The following CNIH3 variants were observed in gnomAD, a reference collection of about 807,000 sequenced individuals.
CNIH3 encodes the protein cornichon family AMPA receptor auxiliary protein 3, also known as protein cornichon homolog 3.
CNIH3 carries 14 observed loss-of-function variants against 24.1 expected under a neutral mutation model. The observed-to-expected ratio is 0.58, with a 90% confidence interval of 0.38 to 0.91. The LOEUF (loss-of-function observed/expected upper bound fraction) is 0.91. Among genes scored for constraint, CNIH3 ranks in the 40% least tolerant of loss-of-function variants. CNIH3 has a pLI of 0.00. For missense variants in CNIH3, 178 were observed against 196.8 expected (o/e 0.90, Z 0.57); for synonymous variants, 68 against 73.8 (o/e 0.92, Z 0.40).
intron 1 of CNIH3, among the ~76,000 whole-genome samples, chr1:224,449,051 G>A (rs1274014411): frequency 2.8e-5 from 4 of 144,480 alleles, no homozygotes; most frequent in Non-Finnish European, 4.5e-5. Context: ...TGCAACCTCC[G>A]CCTCTCAGGT....
At chr1:224,513,715 A>C (rs1407943837), upstream of CNIH3, 1 of 152,208 alleles carries the variant, frequency 6.6e-6, no homozygotes, top group Non-Finnish European at 1.5e-5. Flanking sequence ...GAAGGAGGAG[A>C]CACAGAGCTA....
At chr1:224,656,838 T>C (rs1685121297) in intron 1 of CNIH3, among the ~76,000 whole-genome samples, 2 of 152,176 alleles carry the variant, frequency 1.3e-5, no homozygotes, top group South Asian at 4.1e-4. Context: ...TTCTTAATTA[T>C]TTTGTATGTG....
intron 3 of CNIH3, among the ~76,000 whole-genome samples, chr1:224,723,917 T>C (rs1056963446): frequency 2.0e-5 from 3 of 152,212 alleles, no homozygotes; most frequent in Admixed American, 2.0e-4. Flanking sequence ...TTATGGTGAC[T>C]TTTTAAATTA....
At chr1:224,495,962 G>A (rs948462060) in intron 1 of CNIH3, among the ~76,000 whole-genome samples, 3 of 152,172 alleles carry the variant, frequency 2.0e-5, no homozygotes, top group Admixed American at 6.5e-5. Context: ...TGAGCTATCC[G>A]TGGGCAGAGA....
intron 1 of CNIH3, among the ~76,000 whole-genome samples, chr1:224,517,460 T>C (rs1184273748): frequency 1.3e-5 from 2 of 152,162 alleles, no homozygotes; most frequent in African/African-American, 4.8e-5. Flanking sequence ...GGGAAAGATA[T>C]TCCTTTTTTT....
Position 224,616,711 on chromosome 1 carries a change from C to A in CNIH3, c.-464C>A. On this transcript the variant is annotated 5_prime_UTR_variant, in exon 1 of 6. Coordinates refer to ENST00000272133, the MANE Select transcript of CNIH3 (RefSeq NM_152495.2). ...ACACTATCCGTTTGCGCCCCGGTGG[C>A]GCGGGAGGGTCCGGAGCGGAGCGCT... 1.0e-6 allele frequency: 1 copy of A among 993,124 alleles called. No homozygotes were observed. The allele number at this position is 993,124 out of a possible 1,614,324, so 61.5% of individuals were successfully genotyped here. A position where few individuals can be genotyped will look rare whatever the true frequency, so the allele number is the denominator to read the frequency against.
chr1:224,495,309 C>G (rs1677393444), intron 1 of CNIH3, among the ~76,000 whole-genome samples: 1 of 152,170 alleles, frequency 6.6e-6, no homozygotes, highest in Admixed American at 6.5e-5. Flanking sequence ...CCAGGACATG[C>G]CTTGTATATA....
At chr1:224,593,346 A>G (rs1681843946), downstream of CNIH3, among the ~76,000 whole-genome samples, 3 of 150,364 alleles carry the variant, frequency 2.0e-5, no homozygotes, top group South Asian at 6.2e-4. Context: ...CTTAGGCAAA[A>G]ACATGGCTTG....
chr1:224,599,286 G>A (rs1018119005), intron 3 of CNIH3, among the ~76,000 whole-genome samples: 1 of 152,144 alleles, frequency 6.6e-6, no homozygotes, highest in African/African-American at 2.4e-5. Flanking sequence ...AGCCAAGATG[G>A]CCTTCCTCAA....
At chr1:224,582,528 A>T (rs1459433104) in intron 4 of CNIH3, among the ~76,000 whole-genome samples, 3 of 152,182 alleles carry the variant, frequency 2.0e-5, no homozygotes, top group Non-Finnish European at 4.4e-5. Flanking sequence ...ATACACCTGG[A>T]TCAATCACCG....
intron 1 of CNIH3, among the ~76,000 whole-genome samples, chr1:224,631,124 C>G (rs907380098): frequency 1.3e-5 from 2 of 152,100 alleles, no homozygotes; most frequent in Non-Finnish European, 2.9e-5. Context: ...GATTGTGTCA[C>G]TGCACTCTAT....
intron 1 of CNIH3, among the ~76,000 whole-genome samples, chr1:224,481,555 C>G (rs1676814848): frequency 6.6e-6 from 1 of 152,210 alleles, no homozygotes. Flanking sequence ...GAAGAATTCT[C>G]TAGATTACCA....
At position 224,739,669 on chromosome 1, in the gene CNIH3, G is replaced by T; in HGVS notation, c.*313G>T. 2.2e-6 allele frequency: 1 copy of T among 456,186 alleles called. No homozygotes were observed. The highest frequency in any genetic ancestry group is 3.8e-6 in the Non-Finnish European group (1 of 262,768). The allele number at this position is 456,186 out of a possible 1,614,324, so 28.3% of individuals were successfully genotyped here. On this transcript the variant is annotated 3_prime_UTR_variant, in exon 6 of 6. Coordinates refer to ENST00000272133, the MANE Select transcript of CNIH3 (RefSeq NM_152495.2). Reference sequence around the variant, plus strand: ...AGACCTCTCCTGAGAGAGAATTGCTGCTTCCTGAATCCACTTCATTGAACA... The same window carrying T: ...AGACCTCTCCTGAGAGAGAATTGCTTCTTCCTGAATCCACTTCATTGAACA...
At chr1:224,668,765 A>G (rs1023978378) in intron 1 of CNIH3, among the ~76,000 whole-genome samples, 4 of 152,040 alleles carry the variant, frequency 2.6e-5, no homozygotes, top group Non-Finnish European at 4.4e-5. Context: ...ATGTTTGAGA[A>G]CCAAGGATGC....
intron 1 of CNIH3, among the ~76,000 whole-genome samples, chr1:224,475,824 A>G (rs544181118): frequency 6.6e-6 from 1 of 152,206 alleles, no homozygotes; most frequent in Non-Finnish European, 1.5e-5. Flanking sequence ...TTCCTCATGA[A>G]CATTGATGCA....
chr1:224,451,990 A>G (rs749383367), intron 1 of CNIH3, among the ~76,000 whole-genome samples: 1 of 152,130 alleles, frequency 6.6e-6, no homozygotes, highest in Non-Finnish European at 1.5e-5. Context: ...GTGCTTTTCA[A>G]ATTACCAGAG....
intron 1 of CNIH3, among the ~76,000 whole-genome samples, chr1:224,662,133 A>G (rs1685390352): frequency 6.6e-6 from 1 of 152,218 alleles, no homozygotes; most frequent in African/African-American, 2.4e-5. Context: ...TGTTTTGCCT[A>G]TATTATAACC....
chr1:224,584,110 A>G (rs150972514), intron 5 of CNIH3, among the ~76,000 whole-genome samples: 1 of 152,324 alleles, frequency 6.6e-6, no homozygotes, highest in African/African-American at 2.4e-5. Context: ...TTTAAAAAGG[A>G]TATTTTTGCA....
At chr1:224,731,816 G>T (rs1223965323) in intron 4 of CNIH3, among the ~76,000 whole-genome samples, 1 of 152,250 alleles carries the variant, frequency 6.6e-6, no homozygotes, top group Non-Finnish European at 1.5e-5. Flanking sequence ...GGCCCAGCAT[G>T]TGCAAAGGCC....
Sources: gnomAD v4.1 joint callset for allele counts (sites outside exome capture counted in the v4.1 genomes callset) on GRCh38, gnomAD v4.1.1 for gene constraint, MANE v1.5 for transcripts, NCBI Gene and HGNC (gene_info 2026-07-23, HGNC 2026-07-21) for gene names.